Variants in RASGRF2 observed in about 807,000 individuals in gnomAD.
RASGRF2 encodes Ras protein specific guanine nucleotide releasing factor 2, also known as ras-specific guanine nucleotide-releasing factor 2.
Under a neutral mutation model 151.0 loss-of-function variants are expected in RASGRF2, and 76 were observed. That is an observed-to-expected ratio of 0.50 (90% CI 0.42 to 0.61). The LOEUF is 0.61. Among genes scored for constraint, RASGRF2 ranks in the 20% least tolerant of loss-of-function variants. The probability of loss-of-function intolerance (pLI) is 0.00; values close to 1 mark genes in which losing one functional copy is unlikely to be tolerated. For synonymous variants in RASGRF2, 504 were observed against 566.5 expected (o/e 0.89, Z 1.57); for missense variants, 1,148 against 1,564.6 (o/e 0.73, Z 4.49).
intron 17 of RASGRF2, among the ~76,000 whole-genome samples, chr5:81,178,783 T>C (rs374340604): frequency 3.9e-5 from 6 of 152,060 alleles, no homozygotes; most frequent in Non-Finnish European, 8.8e-5. Flanking sequence ...CTGTCGCCCA[T>C]GCTGGAGTGC....
At chr5:81,028,320 G>A (rs1471234023) in intron 1 of RASGRF2, among the ~76,000 whole-genome samples, 1 of 152,200 alleles carries the variant, frequency 6.6e-6, no homozygotes, top group Non-Finnish European at 1.5e-5. Flanking sequence ...ATTTTAATTT[G>A]CATTTAAAGT....
chr5:81,056,702 G>T (rs2434252), intron 2 of RASGRF2, among the ~76,000 whole-genome samples: 133,994 of 152,100 alleles, frequency 0.88, 59,369 homozygotes, highest in Middle Eastern at 0.93. Context: ...TCTGTCTCGT[G>T]GATCTGTCTA....
In RASGRF2 at chr5:81,132,099, A is replaced by AT. The variant is rs1272563860; in HGVS notation, c.2686+4944dup. ...AACACTTATCACTATTTGACACACT[A>AT]TTTTTTTTACTAATTTATCTTGCTT... On this transcript the variant is annotated intron_variant, in intron 17 of 26. Transcript: ENST00000265080. Among the ~76,000 whole-genome samples, 14 of 152,112 alleles carry AT rather than the reference A, an allele frequency of 9.2e-5. No individual in the cohort carries two copies. The East Asian group carries it at 1.4e-3, about 15-fold the overall frequency.
intron 7 of RASGRF2, 52 bp from the exon 8 acceptor site, chr5:81,085,750 C>T (rs1177152297): frequency 6.2e-7 from 1 of 1,607,710 alleles, no homozygotes; most frequent in Non-Finnish European, 8.5e-7. Context: ...GGAGCATGTG[C>T]CCTGTCACCC....
chr5:81,080,137 C>G lies in RASGRF2; in HGVS notation c.904C>G (p.Leu302Val), dbSNP rs776385320. 1.3e-6 allele frequency: 2 copies of G among 1,596,978 alleles called. No individual in the cohort carries two copies. The highest frequency in any genetic ancestry group is 2.3e-5 in the South Asian group (2 of 86,276). The part of the protein sequence containing the change: ...IFLNSETIMF[L>V]HEIFHQGLKA... ...TTTTTATAGTGAAACAATCATGTTT[C>G]TTCATGAAATATTTCATCAAGGACT... The change falls in exon 6 of 27, where the codon CTT becomes GTT. Residue 302 changes from leucine (L) to valine (V), a missense_variant. Physicochemically the swap from Leu to Val is conservative, Grantham distance 32. Around this residue, in one of 5 missense-constraint regions of RASGRF2, gnomAD observed 176 missense variants for 309.6 expected, o/e 0.57. Coordinates refer to ENST00000265080, the MANE Select transcript of RASGRF2 (RefSeq NM_006909.3).
chr5:81,072,817 G>A (rs976722358), intron 4 of RASGRF2, among the ~76,000 whole-genome samples: 4 of 152,192 alleles, frequency 2.6e-5, no homozygotes, highest in Admixed American at 2.0e-4. Context: ...AAATAACTGG[G>A]ACTACAGGCC....
chr5:81,163,415 T>G (rs2112643328), intron 17 of RASGRF2, among the ~76,000 whole-genome samples: 1 of 152,246 alleles, frequency 6.6e-6, no homozygotes, highest in East Asian at 1.9e-4. Context: ...TTAACCATCT[T>G]AATTCAAATA....
At chr5:81,093,848 C>G (rs1752461079) in intron 10 of RASGRF2, among the ~76,000 whole-genome samples, 1 of 152,026 alleles carries the variant, frequency 6.6e-6, no homozygotes, top group Non-Finnish European at 1.5e-5. Context: ...ACTTGCAGAG[C>G]CTAAAATACT....
intron 18 of RASGRF2, among the ~76,000 whole-genome samples, chr5:81,186,448 C>T (rs540430622): frequency 5.3e-5 from 8 of 152,174 alleles, no homozygotes; most frequent in South Asian, 2.1e-4. Context: ...AAATGATATT[C>T]GTTTCTCTCA....
chr5:81,093,655 T>G (rs565191526), intron 10 of RASGRF2, among the ~76,000 whole-genome samples: 1 of 152,194 alleles, frequency 6.6e-6, no homozygotes, highest in African/African-American at 2.4e-5. Flanking sequence ...CATCAAGTGA[T>G]CCTCCTGCCT....
chr5:81,177,337 G>A (rs1256674854), intron 17 of RASGRF2, among the ~76,000 whole-genome samples: 1 of 151,982 alleles, frequency 6.6e-6, no homozygotes, highest in Admixed American at 6.6e-5. Context: ...AATGTCCACT[G>A]GTGGGTGGAA....
chr5:81,093,605 A>G (rs765260557), intron 10 of RASGRF2, among the ~76,000 whole-genome samples: 9 of 152,048 alleles, frequency 5.9e-5, no homozygotes, highest in Non-Finnish European at 1.2e-4. Context: ...AGTAGAGACA[A>G]TGTCTTGCTA....
intron 18 of RASGRF2, among the ~76,000 whole-genome samples, chr5:81,200,902 G>C (rs1755373029): frequency 6.6e-6 from 1 of 152,148 alleles, no homozygotes; most frequent in African/African-American, 2.4e-5. Flanking sequence ...GGAACTGAAG[G>C]CATTTGTTAA....
chr5:81,206,752 C>T (rs756222978), intron 19 of RASGRF2, 93 bp from the exon 20 acceptor site: 549 of 1,053,568 alleles, frequency 5.2e-4, no homozygotes, highest in Admixed American at 8.2e-4. Flanking sequence ...ATCCTCAGAC[C>T]TCCCATCCAG....
chr5:81,188,554 A>G lies in RASGRF2; in HGVS notation c.2793+8273A>G, dbSNP rs917302554. Among the ~76,000 whole-genome samples the G allele has an allele frequency of 2.0e-5, 3 of 152,282 alleles. No homozygotes were observed. The South Asian group carries it at 6.2e-4, about 32-fold the overall frequency. On this transcript the variant is annotated intron_variant, in intron 18 of 26. Transcript: ENST00000265080. ...ACTTGAGAACCTGATTCTTAGAATG[A>G]AGGTAGGTAGCTTCCTCTGTGAAGA...
At chr5:81,110,426 T>C (rs1321383231) in intron 13 of RASGRF2, among the ~76,000 whole-genome samples, 1 of 152,250 alleles carries the variant, frequency 6.6e-6, no homozygotes, top group Admixed American at 6.5e-5. Flanking sequence ...ATTTAATTTC[T>C]TTACTTAAAA....
chr5:80,972,801 G>T (rs1580154288), intron 1 of RASGRF2, among the ~76,000 whole-genome samples: 1 of 152,146 alleles, frequency 6.6e-6, no homozygotes, highest in African/African-American at 2.4e-5. Flanking sequence ...CGAAGTGCTT[G>T]TTCAACCTTT....
intron 17 of RASGRF2, among the ~76,000 whole-genome samples, chr5:81,130,156 C>T (rs1753579103): frequency 6.6e-6 from 1 of 152,210 alleles, no homozygotes. Context: ...CGAGCTGGCT[C>T]CTGGTGGTGC....
intron 1 of RASGRF2, among the ~76,000 whole-genome samples, chr5:80,993,973 A>G: frequency 6.6e-6 from 1 of 152,032 alleles, no homozygotes; most frequent in Non-Finnish European, 1.5e-5. Flanking sequence ...AGCACTTTCC[A>G]TAACTTCATA....
Sources: gnomAD v4.1 joint callset for allele counts (sites outside exome capture counted in the v4.1 genomes callset) on GRCh38, gnomAD v4.1.1 for gene constraint, gnomAD v4.1.1 regional missense constraint, MANE v1.5 for transcripts, NCBI Gene and HGNC (gene_info 2026-07-23, HGNC 2026-07-21) for gene names.